LINGO2: variants seen among roughly 807,000 people sequenced by gnomAD.
LINGO2 encodes the protein leucine-rich repeat and immunoglobulin-like domain-containing nogo receptor-interacting protein 2.
In LINGO2, 14 loss-of-function variants were observed where a neutral mutation model predicts 30.6. That is an observed-to-expected ratio of 0.46 (90% confidence interval 0.30 to 0.72). LINGO2 has a LOEUF of 0.72. Among genes scored for constraint, LINGO2 ranks in the 30% least tolerant of loss-of-function variants. LINGO2 has a pLI of 0.07. For missense variants in LINGO2, 729 were observed against 751.7 expected, an observed-to-expected ratio of 0.97 and a Z score of 0.35; for synonymous variants, 317 against 288.5, an observed-to-expected ratio of 1.10 and a Z score of -1.00.
At chr9:28,037,421 T>A (rs1310799353) in intron 4 of LINGO2, among the ~76,000 whole-genome samples, 1 of 152,194 alleles carries the variant, frequency 6.6e-6, no homozygotes, top group East Asian at 1.9e-4. Flanking sequence ...CTCGTTTTCC[T>A]GTTGGGCTGC....
the LINGO2 span, among the ~76,000 whole-genome samples, chr9:28,877,909 G>T: frequency 6.6e-6 from 1 of 152,084 alleles, no homozygotes; most frequent in Non-Finnish European, 1.5e-5. Context: ...CCATTTGTTT[G>T]TATCCTCTTT....
the LINGO2 span, among the ~76,000 whole-genome samples, chr9:28,881,825 C>A: frequency 5.3e-5 from 8 of 152,198 alleles, no homozygotes; most frequent in African/African-American, 7.2e-5. Flanking sequence ...CTCTGCCAGG[C>A]CACAGGATGT....
chr9:28,443,948 T>A (rs1824303286), intron 2 of LINGO2, among the ~76,000 whole-genome samples: 1 of 152,056 alleles, frequency 6.6e-6, no homozygotes, highest in Non-Finnish European at 1.5e-5. Flanking sequence ...ATGGTGCTTT[T>A]CCCAGTCCCA....
chr9:28,954,207 A>G, the LINGO2 span, among the ~76,000 whole-genome samples: 4 of 152,186 alleles, frequency 2.6e-5, no homozygotes, highest in Non-Finnish European at 5.9e-5. Flanking sequence ...AAATACCTTA[A>G]GCCTCAATAG....
chr9:28,283,856 G>T (rs1427552718), intron 4 of LINGO2, among the ~76,000 whole-genome samples: 1 of 151,994 alleles, frequency 6.6e-6, no homozygotes, highest in East Asian at 1.9e-4. Flanking sequence ...GATATATTCA[G>T]GTACTGGTTA....
chr9:28,622,930 C>G (rs924873855), intron 1 of LINGO2, among the ~76,000 whole-genome samples: 1 of 151,924 alleles, frequency 6.6e-6, no homozygotes, highest in African/African-American at 2.4e-5. Context: ...TTGTATTTCT[C>G]TGATGATAGA....
chr9:28,145,772 T>C (rs1827796332), intron 4 of LINGO2, among the ~76,000 whole-genome samples: 1 of 152,156 alleles, frequency 6.6e-6, no homozygotes, highest in Non-Finnish European at 1.5e-5. Context: ...TATACAATTT[T>C]AAACATTAAA....
chr9:28,095,511 A>G (rs1826218835), intron 4 of LINGO2, among the ~76,000 whole-genome samples: 1 of 152,090 alleles, frequency 6.6e-6, no homozygotes, highest in African/African-American at 2.4e-5. Context: ...AGCCATATGT[A>G]GAAAGCTGAA....
At chr9:28,870,772 C>T in the LINGO2 span, among the ~76,000 whole-genome samples, 1 of 151,924 alleles carries the variant, frequency 6.6e-6, no homozygotes, top group Non-Finnish European at 1.5e-5. Flanking sequence ...ACTTTTAAAT[C>T]GTACTAAAGA....
At chr9:28,178,872 A>G (rs1171190395) in intron 4 of LINGO2, among the ~76,000 whole-genome samples, 1 of 152,136 alleles carries the variant, frequency 6.6e-6, no homozygotes, top group Non-Finnish European at 1.5e-5. Context: ...AATAACTTCT[A>G]TTAGCTTCTT....
chr9:28,965,272 A>ATT, the LINGO2 span, among the ~76,000 whole-genome samples: 1 of 152,020 alleles, frequency 6.6e-6, no homozygotes, highest in Non-Finnish European at 1.5e-5. Flanking sequence ...TTATCTGAGT[A>ATT]TTTTTATTTA....
chr9:28,686,335 G>A, the LINGO2 span, among the ~76,000 whole-genome samples: 2 of 151,962 alleles, frequency 1.3e-5, no homozygotes, highest in African/African-American at 4.8e-5. Context: ...CAAAGGCTCT[G>A]GTACTGTACA....
chr9:29,058,348 G>A, the LINGO2 span, among the ~76,000 whole-genome samples: 1 of 151,932 alleles, frequency 6.6e-6, no homozygotes, highest in African/African-American at 2.4e-5. Context: ...AAGTGCTGAG[G>A]AAGAAAATGT....
chr9:28,696,209 C>T, the LINGO2 span, among the ~76,000 whole-genome samples: 1 of 151,896 alleles, frequency 6.6e-6, no homozygotes, highest in Non-Finnish European at 1.5e-5. Context: ...TGACAACAAA[C>T]AACTTGTAAC....
At chr9:29,066,546 C>A in the LINGO2 span, among the ~76,000 whole-genome samples, 2 of 152,002 alleles carry the variant, frequency 1.3e-5, no homozygotes, top group East Asian at 3.9e-4. Flanking sequence ...ATCCCTGAAT[C>A]ATAAAATCAG....
At chr9:28,143,992 G>A (rs140199136) in intron 4 of LINGO2, among the ~76,000 whole-genome samples, 125 of 152,204 alleles carry the variant, frequency 8.2e-4, no homozygotes, top group African/African-American at 2.9e-3. Context: ...CAGGAGCACC[G>A]AGAGTCCTTT....
At chr9:28,297,286 T>A (rs556100460) in intron 3 of LINGO2, among the ~76,000 whole-genome samples, 1 of 152,324 alleles carries the variant, frequency 6.6e-6, no homozygotes, top group South Asian at 2.1e-4. Flanking sequence ...TGATCCCTCC[T>A]CAGAAGGGGT....
At chr9:28,298,894 A>G (rs1824029024) in intron 3 of LINGO2, among the ~76,000 whole-genome samples, 1 of 152,208 alleles carries the variant, frequency 6.6e-6, no homozygotes, top group Non-Finnish European at 1.5e-5. Context: ...ACAAAGGAGA[A>G]GAAATTCTAA....
Position 28,222,379 on chromosome 9 carries a change from C to T in LINGO2, c.-87+72829G>A, listed in dbSNP as rs551790866. On this transcript the variant is annotated intron_variant, in intron 4 of 5. Coordinates refer to ENST00000379992, the Ensembl canonical transcript of LINGO2. The stretch of plus-strand genomic sequence containing the variant: ...TTCCAGTCTAAGTCATAAATCACAG[C>T]TTTTGAATCGAATACCTATATGTGC... Among the ~76,000 whole-genome samples, 5 of 152,202 alleles carry T rather than the reference C, an allele frequency of 3.3e-5. No homozygotes were observed. In the East Asian group the frequency reaches 9.7e-4, roughly 29 times the overall value.
Sources: allele counts gnomAD v4.1 joint callset (sites outside exome capture counted in the v4.1 genomes callset), GRCh38; gene constraint gnomAD v4.1.1; transcripts MANE v1.5; gene names NCBI Gene and HGNC (gene_info 2026-07-23, HGNC 2026-07-21).